Variants in DROSHA observed in about 807,000 individuals in gnomAD.
The protein encoded by DROSHA is ribonuclease 3.
DROSHA carries 56 observed loss-of-function variants against 181.9 expected under a neutral mutation model. The observed-to-expected ratio is 0.31, with a 90% CI of 0.25 to 0.38. The LOEUF is 0.38. Among genes scored for constraint, DROSHA ranks in the 10% least tolerant of loss-of-function variants. The probability of loss-of-function intolerance (pLI) is 1.00; values close to 1 mark genes in which losing one functional copy is unlikely to be tolerated. For synonymous variants in DROSHA, 524 were observed against 591.2 expected (o/e 0.89, Z 1.65); for missense variants, 1,218 against 1,743.5 (o/e 0.70, Z 5.37).
In DROSHA at chr5:31,508,934, T is replaced by C. The variant is rs181269009; in HGVS notation, c.1433-159A>G. Among the ~76,000 whole-genome samples the C allele has an allele frequency of 9.6e-4, 146 of 152,124 alleles. No homozygotes were observed. In the East Asian group the frequency reaches 0.013, roughly 14 times the overall value. ...ACCTCCCGAGTTCAAGTGATTCTCC[T>C]GCCTTAGCCTCCCGAGTAGCTGGGA... is the stretch of plus-strand genomic sequence containing the variant. On this transcript the variant is annotated intron_variant, in intron 9 of 35. Coordinates refer to ENST00000344624, the MANE Select transcript of DROSHA (RefSeq NM_001382508.1).
At chr5:31,498,618 G>C (rs922347163) in intron 11 of DROSHA, among the ~76,000 whole-genome samples, 1 of 152,134 alleles carries the variant, frequency 6.6e-6, no homozygotes, top group Non-Finnish European at 1.5e-5. Context: ...AGCACTTTGG[G>C]AGGCCAAGGT....
chr5:31,443,028 T>C (rs1745792245), intron 23 of DROSHA, among the ~76,000 whole-genome samples: 1 of 151,794 alleles, frequency 6.6e-6, no homozygotes, highest in South Asian at 2.1e-4. Flanking sequence ...TATGTGTCTC[T>C]GTTGGTCCGA....
chr5:31,437,127 C>T, intron 24 of DROSHA, 112 bp downstream of exon 24: 1 of 1,137,170 alleles, frequency 8.8e-7, no homozygotes, highest in Middle Eastern at 2.9e-4. Context: ...AGATAAAATA[C>T]ACGGTGTATC....
chr5:31,429,903 T>C (rs1743963456), intron 26 of DROSHA, among the ~76,000 whole-genome samples: 1 of 152,112 alleles, frequency 6.6e-6, no homozygotes, highest in African/African-American at 2.4e-5. Context: ...GCATTTATAG[T>C]ATACGTTTCA....
At chr5:31,480,724 G>A (rs1750936099) in intron 16 of DROSHA, among the ~76,000 whole-genome samples, 1 of 152,090 alleles carries the variant, frequency 6.6e-6, no homozygotes, top group South Asian at 2.1e-4. Flanking sequence ...AATAAAATCA[G>A]TAAACAAGCA....
At chr5:31,442,487 A>C (rs1244846535) in intron 23 of DROSHA, among the ~76,000 whole-genome samples, 1 of 152,092 alleles carries the variant, frequency 6.6e-6, no homozygotes, top group Admixed American at 6.5e-5. Flanking sequence ...AGCAGTAAAC[A>C]CTCCATTTGT....
At position 31,401,310 on chromosome 5, in the gene DROSHA, C is replaced by G; in HGVS notation, c.*122G>C. 1 of 1,301,308 alleles carries G rather than the reference C, an allele frequency of 7.7e-7. No homozygotes were observed. Among genetic ancestry groups the G allele is most frequent in the Non-Finnish European group, 1.1e-6 (1 of 909,884 alleles). The allele number at this position is 1,301,308 out of a possible 1,614,324, so 80.6% of individuals were successfully genotyped here. Reference sequence around the variant, plus strand: ...CATTAAAACAACAATAGCGATTTGACTCTGTATTTTATTTCAATGAGCACA... The same window carrying G: ...CATTAAAACAACAATAGCGATTTGAGTCTGTATTTTATTTCAATGAGCACA... On this transcript the variant is annotated 3_prime_UTR_variant, in exon 36 of 36. Transcript: ENST00000344624.
In DROSHA at chr5:31,430,562, A is replaced by G. The variant is rs1744051780; in HGVS notation, c.3145+1014T>C. On this transcript the variant is annotated intron_variant, in intron 26 of 35. Coordinates refer to ENST00000344624, the MANE Select transcript of DROSHA (RefSeq NM_001382508.1). ...CAGATGAGGAAACTGAGGATCAAAG[A>G]GATTAGGTAGCTTGCCAAAGACACA... Among the ~76,000 whole-genome samples, 3 of 152,216 alleles carry G rather than the reference A, an allele frequency of 2.0e-5. No individual in the cohort carries two copies. In the South Asian group the frequency reaches 6.2e-4, roughly 31 times the overall value.
intron 13 of DROSHA, among the ~76,000 whole-genome samples, chr5:31,490,032 C>T (rs1264854809): frequency 6.6e-6 from 1 of 152,112 alleles, no homozygotes; most frequent in Non-Finnish European, 1.5e-5. Flanking sequence ...CCCGCCACCA[C>T]ACCCAGCTAA....
rs1388317337 is a variant in DROSHA, at chr5:31,470,055, T to C, written c.2242-1992A>G. 6.6e-6 allele frequency among the ~76,000 whole-genome samples: 1 copy of C among 152,212 alleles called. No homozygotes were observed. Among genetic ancestry groups the C allele is most frequent in the African/African-American group, 2.4e-5 (1 of 41,442 alleles). On this transcript the variant is annotated intron_variant, in intron 17 of 35. Coordinates refer to ENST00000344624, the MANE Select transcript of DROSHA (RefSeq NM_001382508.1). This position sits in a 1 kb window ranked among gnomAD's most constrained non-coding sequence, Gnocchi z 4.0. ...AGTAGGATGTTTTCATAATACTGAA[T>C]TCTCAAGATTTTTTTCCTCCTTTAA...
rs180696831 is a variant in DROSHA at position 31,517,378 on chromosome 5, C to T, written c.948-1814G>A. Among the ~76,000 whole-genome samples the T allele has an allele frequency of 6.7e-3, 1,014 of 152,200 alleles. 11 individuals are homozygous for T. The highest frequency in any genetic ancestry group is 0.022 in the African/African-American group (929 of 41,544). ...GCCTTAGTATGCTTGGAAGCCATTT[C>T]CTATCCCAAGGTTAAAAAAAGATTT... On this transcript the variant is annotated intron_variant, in intron 6 of 35. Coordinates refer to ENST00000344624, the MANE Select transcript of DROSHA (RefSeq NM_001382508.1).
chr5:31,416,271 T>G (rs1188377439), intron 30 of DROSHA, among the ~76,000 whole-genome samples: 12 of 152,214 alleles, frequency 7.9e-5, no homozygotes, highest in Admixed American at 7.9e-4. Flanking sequence ...CACTCATAAG[T>G]AAGCCTTCCG....
intron 20 of DROSHA, among the ~76,000 whole-genome samples, chr5:31,454,423 C>G (rs1011728914): frequency 6.6e-6 from 1 of 152,078 alleles, no homozygotes; most frequent in African/African-American, 2.4e-5. Context: ...TAGTGTGAAG[C>G]CATATTATTT....
At chr5:31,401,969 A>G (rs1214761778) in intron 35 of DROSHA, among the ~76,000 whole-genome samples, 1 of 152,228 alleles carries the variant, frequency 6.6e-6, no homozygotes, top group African/African-American at 2.4e-5. Flanking sequence ...AGCTCAAACT[A>G]AAAACTTCAA....
rs1748990613 is a variant in DROSHA at position 31,466,185 on chromosome 5, C to T, written c.2463G>A (p.Arg821=). 1.9e-6 allele frequency: 3 copies of T among 1,613,370 alleles called. No homozygotes were observed. The highest frequency in any genetic ancestry group is 1.3e-5 in the African/African-American group (1 of 74,856). The change falls in exon 19 of 36, where the codon AGG becomes AGA. Residue 821 remains arginine, a synonymous_variant. Transcript: ENST00000344624. ...AGGAATGGAGTTTGATACAGACCTC[C>T]CTCTGTGCCAGCTTCTGTTTGTCAG... ...KQTDKQKLAQ[R]EEALQKIRQK...
chr5:31,477,818 G>C (rs936213489), intron 16 of DROSHA, among the ~76,000 whole-genome samples: 3 of 152,198 alleles, frequency 2.0e-5, no homozygotes, highest in Non-Finnish European at 4.4e-5. Context: ...CAAAGGTAGA[G>C]AGTGGGATAG....
At chr5:31,480,584 A>G (rs1383695552) in intron 16 of DROSHA, among the ~76,000 whole-genome samples, 1 of 152,124 alleles carries the variant, frequency 6.6e-6, no homozygotes, top group East Asian at 1.9e-4. Flanking sequence ...ACTTTTCAGT[A>G]TTTATGTTAT....
At chr5:31,504,972 CT>C (rs1182385442) in intron 10 of DROSHA, among the ~76,000 whole-genome samples, 1 of 152,196 alleles carries the variant, frequency 6.6e-6, no homozygotes, top group East Asian at 1.9e-4. Flanking sequence ...AAAAATGACT[CT>C]TTCACAAAAG....
intron 5 of DROSHA, among the ~76,000 whole-genome samples, chr5:31,525,503 CAAAAAAAAAAA>C (rs397970711): frequency 3.9e-4 from 14 of 36,156 alleles, no homozygotes; most frequent in Admixed American, 2.8e-3. Context: ...GATTCTGTCA[CAAAAAAAAAAA>C]AAAAAAAAAA....
Sources: gnomAD v4.1 joint callset for allele counts (sites outside exome capture counted in the v4.1 genomes callset) on GRCh38, gnomAD v4.1.1 for gene constraint, Gnocchi (gnomAD v3.1) non-coding constraint, MANE v1.5 for transcripts, NCBI Gene and HGNC (gene_info 2026-07-23, HGNC 2026-07-21) for gene names.